RTN4IP1: variants seen among roughly 807,000 people sequenced by gnomAD.
The protein encoded by RTN4IP1 is NAD(P)H oxidoreductase RTN4IP1, mitochondrial.
A neutral mutation model predicts 46.6 loss-of-function variants in RTN4IP1; 32 were observed. The observed-to-expected ratio is 0.69, with a 90% CI of 0.52 to 0.92. RTN4IP1 has a LOEUF of 0.92. Ranked by LOEUF, RTN4IP1 falls within the 40% of genes least tolerant of loss-of-function variation. The pLI is 0.00. For synonymous variants in RTN4IP1, 167 were observed against 161.8 expected (o/e 1.03, Z -0.24); for missense variants, 424 against 485.8 (o/e 0.87, Z 1.20).
At chr6:106,621,137 T>C (rs1205717985) in intron 3 of RTN4IP1, among the ~76,000 whole-genome samples, 2 of 152,172 alleles carry the variant, frequency 1.3e-5, no homozygotes, top group Non-Finnish European at 2.9e-5. Flanking sequence ...CTACTGCCTA[T>C]ATCTGTTTTC....
Position 106,592,161 on chromosome 6 carries a change from T to C in RTN4IP1, c.806+3A>G, listed in dbSNP as rs769494053. 27 of 1,613,790 alleles carry C rather than the reference T, an allele frequency of 1.7e-5. No homozygotes were observed. In the South Asian group the frequency reaches 2.9e-4, roughly 17 times the overall value. On this transcript the variant is annotated splice_donor_region_variant and intron_variant, in intron 6 of 8. Transcript: ENST00000369063. ...CCAGTGTGAACATTGTTCTAATACATACGGTTTTAAGGATTTCAACTGCTC... is the reference window on the plus strand; with the variant it reads ...CCAGTGTGAACATTGTTCTAATACACACGGTTTTAAGGATTTCAACTGCTC...
chr6:106,618,227 CA>C (rs141664247), intron 4 of RTN4IP1, among the ~76,000 whole-genome samples: 5,003 of 152,184 alleles, frequency 0.033, 269 homozygotes, highest in East Asian at 0.19. Flanking sequence ...TGTTTCATAA[CA>C]ATAGAACAGA....
intron 6 of RTN4IP1, among the ~76,000 whole-genome samples, chr6:106,590,118 G>A (rs376709619): frequency 2.4e-4 from 36 of 151,878 alleles, no homozygotes; most frequent in Non-Finnish European, 3.2e-4. Flanking sequence ...AGGGGTTCAA[G>A]ACCAGCCCGG....
chr6:106,628,738 G>A lies in RTN4IP1; in HGVS notation c.274+10C>T. On this transcript the variant is annotated intron_variant, in intron 1 of 8. Coordinates refer to ENST00000369063, the MANE Select transcript of RTN4IP1 (RefSeq NM_032730.5). ...TTTAAAAAAGGTAACAATGTCTTTT[G>A]AAAACTTACTTCTCATATTAACGTC... The A allele has an allele frequency of 6.3e-7, 1 of 1,591,224 alleles. No homozygotes were observed. Among genetic ancestry groups the A allele is most frequent in the South Asian group, 1.1e-5 (1 of 88,806 alleles).
At position 106,571,924 on chromosome 6, in the gene RTN4IP1, G is replaced by T; in HGVS notation, c.*72C>A. 1 of 967,194 alleles carries T rather than the reference G, an allele frequency of 1.0e-6. No homozygotes were observed. Among genetic ancestry groups the T allele is most frequent in the Non-Finnish European group, 1.6e-6 (1 of 607,154 alleles). The allele number at this position is 967,194 out of a possible 1,614,324, so 59.9% of individuals were successfully genotyped here. A position where few individuals can be genotyped will look rare whatever the true frequency, so the allele number is the denominator to read the frequency against. ...TCTGGAAAAATGTTTGAAAGGGATG[G>T]CTAGAAAAAAATTTGGGCTCACAGG... On this transcript the variant is annotated 3_prime_UTR_variant, in exon 9 of 9. Transcript: ENST00000369063.
chr6:106,602,738 T>C, intron 5 of RTN4IP1, 136 bp downstream of exon 5: 1 of 537,660 alleles, frequency 1.9e-6, no homozygotes, highest in Non-Finnish European at 3.2e-6. Flanking sequence ...ATTTTCCTCT[T>C]ACAGAACAAG....
intron 5 of RTN4IP1, among the ~76,000 whole-genome samples, chr6:106,593,937 A>G (rs1775722006): frequency 6.6e-6 from 1 of 152,148 alleles, no homozygotes; most frequent in African/African-American, 2.4e-5. Context: ...CTTTCTCTAT[A>G]CCTATATTAA....
intron 5 of RTN4IP1, among the ~76,000 whole-genome samples, chr6:106,598,446 GTGA>G (rs1204453914): frequency 6.6e-5 from 10 of 150,564 alleles, no homozygotes; most frequent in Non-Finnish European, 1.3e-4. Flanking sequence ...CTGATGGCCA[GTGA>G]TGATGAGCAT....
rs375341307 is a variant in RTN4IP1 at position 106,592,149 on chromosome 6, T to C, written c.806+15A>G. On this transcript the variant is annotated intron_variant, in intron 6 of 8. Transcript: ENST00000369063. Reference sequence around the variant, plus strand: ...TTGTTCCCACTCCCAGTGTGAACATTGTTCTAATACATACGGTTTTAAGGA... The same window carrying C: ...TTGTTCCCACTCCCAGTGTGAACATCGTTCTAATACATACGGTTTTAAGGA... 6.2e-7 allele frequency: 1 copy of C among 1,610,292 alleles called. No homozygotes were observed. Among genetic ancestry groups the C allele is most frequent in the African/African-American group, 1.3e-5 (1 of 74,882 alleles).
intron 2 of RTN4IP1, among the ~76,000 whole-genome samples, chr6:106,622,304 G>C (rs2114681127): frequency 6.6e-6 from 1 of 152,320 alleles, no homozygotes; most frequent in African/African-American, 2.4e-5. Context: ...TTCAGTCAGG[G>C]TGGTGGGAAA....
Position 106,619,327 on chromosome 6 carries a change from C to G in RTN4IP1, c.496-1G>C. Reference sequence around the variant, plus strand: ...TGAGTGATTTGGGTTTGTGAGAGACCTACATTTGAAGACAACAGTCAAAAA... The same window carrying G: ...TGAGTGATTTGGGTTTGTGAGAGACGTACATTTGAAGACAACAGTCAAAAA... On this transcript the variant is annotated splice_acceptor_variant, in intron 3 of 8. Coordinates refer to ENST00000369063, the MANE Select transcript of RTN4IP1 (RefSeq NM_032730.5). LOFTEE classifies it high-confidence loss of function. 1 of 1,613,976 alleles carries G rather than the reference C, an allele frequency of 6.2e-7. No individual in the cohort carries two copies. Among genetic ancestry groups the G allele is most frequent in the African/African-American group, 1.3e-5 (1 of 75,032 alleles).
Position 106,586,051 on chromosome 6 carries a change from C to T in RTN4IP1, c.990+1628G>A, listed in dbSNP as rs188394467. ...GAAAATAAAGAACACCACAGTGCAG[C>T]GCTTGGTTTGTTCATTTCTATTACC... On this transcript the variant is annotated intron_variant, in intron 7 of 8. Coordinates refer to ENST00000369063, the MANE Select transcript of RTN4IP1 (RefSeq NM_032730.5). 1.2e-4 allele frequency among the ~76,000 whole-genome samples: 18 copies of T among 152,268 alleles called. No individual in the cohort carries two copies. In the East Asian group the frequency reaches 2.9e-3, roughly 24 times the overall value.
In RTN4IP1 at chr6:106,571,788, C is replaced by T. The variant is rs1775069121; in HGVS notation, c.*208G>A. 3 of 475,194 alleles carry T rather than the reference C, an allele frequency of 6.3e-6. No individual in the cohort carries two copies. Among genetic ancestry groups the T allele is most frequent in the African/African-American group, 2.0e-5 (1 of 49,908 alleles). 29.4% of individuals were successfully genotyped at this position (475,194 alleles called of 1,614,324 possible). On this transcript the variant is annotated 3_prime_UTR_variant, in exon 9 of 9. Coordinates refer to ENST00000369063, the MANE Select transcript of RTN4IP1 (RefSeq NM_032730.5). ...GTGAAGGAACAGCTTGAAAAAACTTCGAATTTCTACTGACTACAGACAAAT... is the reference window on the plus strand; with the variant it reads ...GTGAAGGAACAGCTTGAAAAAACTTTGAATTTCTACTGACTACAGACAAAT...
intron 4 of RTN4IP1, among the ~76,000 whole-genome samples, chr6:106,608,915 T>C (rs140554354): frequency 6.6e-6 from 1 of 152,346 alleles, no homozygotes; most frequent in Non-Finnish European, 1.5e-5. Context: ...CCTCACAATA[T>C]ATTACCTGCA....
intron 8 of RTN4IP1, 65 bp from the exon 9 acceptor site, chr6:106,572,168 G>T: frequency 7.9e-7 from 1 of 1,265,298 alleles, no homozygotes; most frequent in Non-Finnish European, 1.2e-6. Flanking sequence ...AGATGACATT[G>T]CTAATTAGTT....
chr6:106,611,434 T>A (rs968871398), intron 4 of RTN4IP1, among the ~76,000 whole-genome samples: 1 of 152,214 alleles, frequency 6.6e-6, no homozygotes, highest in Non-Finnish European at 1.5e-5. Context: ...TAATGACTTA[T>A]GAACAAAGAT....
At chr6:106,621,318 A>G (rs1440470011) in intron 3 of RTN4IP1, 107 bp downstream of exon 3, 30 of 805,540 alleles carry the variant, frequency 3.7e-5, no homozygotes, top group Non-Finnish European at 5.9e-5. Flanking sequence ...CTTTTTATAA[A>G]CTGCCCCATC....
At chr6:106,588,341 C>T (rs991842890) in intron 6 of RTN4IP1, among the ~76,000 whole-genome samples, 34 of 152,208 alleles carry the variant, frequency 2.2e-4, no homozygotes, top group African/African-American at 7.7e-4. Flanking sequence ...CACATGGATA[C>T]TTGAAAGTAA....
At chr6:106,590,253 G>A (rs1775618182) in intron 6 of RTN4IP1, among the ~76,000 whole-genome samples, 1 of 152,184 alleles carries the variant, frequency 6.6e-6, no homozygotes, top group South Asian at 2.1e-4. Flanking sequence ...CCAGGAGGCA[G>A]AGGTTGTGCC....
Sources: allele counts gnomAD v4.1 joint callset (sites outside exome capture counted in the v4.1 genomes callset), GRCh38; gene constraint gnomAD v4.1.1; transcripts MANE v1.5; gene names NCBI Gene and HGNC (gene_info 2026-07-23, HGNC 2026-07-21).